Variants in NEK11 observed in about 807,000 individuals in gnomAD.
The protein encoded by NEK11 is serine/threonine-protein kinase Nek11.
Under a neutral mutation model 80.7 loss-of-function variants are expected in NEK11, and 72 were observed. The ratio of observed to expected loss-of-function variants is 0.89; its 90% CI spans 0.74 to 1.08. The LOEUF (loss-of-function observed/expected upper bound fraction) is 1.08, where lower values mean the gene tolerates loss of function less well. NEK11 is among the 50% of genes least tolerant of loss of function. The probability of loss-of-function intolerance (pLI) is 0.00; values close to 1 mark genes in which losing one functional copy is unlikely to be tolerated. For synonymous variants in NEK11, 251 were observed against 260.7 expected, an observed-to-expected ratio of 0.96 and a Z score of 0.36; for missense variants, 764 against 763.6, an observed-to-expected ratio of 1.00 and a Z score of -0.01.
At chr3:131,326,016 C>A (rs2096961647) in intron 17 of NEK11, 2 of 152,156 alleles carry the variant, frequency 1.3e-5, no homozygotes, top group African/African-American at 4.8e-5. Flanking sequence ...TCTTAGTAGA[C>A]AACCTTATGA....
At chr3:131,041,870 G>A (rs1224526158) in intron 3 of NEK11, among the ~76,000 whole-genome samples, 4 of 152,202 alleles carry the variant, frequency 2.6e-5, no homozygotes, top group Non-Finnish European at 4.4e-5. Context: ...AATGCAGAAG[G>A]TGGGTGATTT....
chr3:131,252,783 C>G (rs950178353), intron 16 of NEK11, among the ~76,000 whole-genome samples: 1 of 152,230 alleles, frequency 6.6e-6, no homozygotes, highest in South Asian at 2.1e-4. Context: ...TGCTCTGGGT[C>G]CAGACTGCAC....
chr3:131,042,743 C>T (rs930188088), intron 3 of NEK11, among the ~76,000 whole-genome samples: 1 of 152,196 alleles, frequency 6.6e-6, no homozygotes, highest in Non-Finnish European at 1.5e-5. Flanking sequence ...GATTTCCCAG[C>T]ACAGCACTCG....
chr3:131,321,746 C>T (rs949320445), intron 17 of NEK11, among the ~76,000 whole-genome samples: 4 of 152,108 alleles, frequency 2.6e-5, no homozygotes, highest in Admixed American at 1.3e-4. Context: ...ACATGCTCAA[C>T]ATCACTAAAT....
At chr3:131,263,066 C>T (rs972856969) in intron 16 of NEK11, among the ~76,000 whole-genome samples, 2 of 151,922 alleles carry the variant, frequency 1.3e-5, no homozygotes, top group Non-Finnish European at 2.9e-5. Flanking sequence ...ACTTTAAGTT[C>T]TAGGGTATAT....
intron 5 of NEK11, among the ~76,000 whole-genome samples, chr3:131,115,922 CTT>C (rs1365656054): frequency 1.0e-5 from 1 of 98,046 alleles, no homozygotes; most frequent in East Asian, 2.9e-4. Flanking sequence ...TTCTTTCTTT[CTT>C]TCTTTCTTTC....
At chr3:131,125,861 A>G (rs1258807946) in intron 5 of NEK11, among the ~76,000 whole-genome samples, 1 of 152,236 alleles carries the variant, frequency 6.6e-6, no homozygotes, top group Non-Finnish European at 1.5e-5. Context: ...TGGCTCAAGC[A>G]TTTGCTAAGG....
At chr3:131,097,513 T>G (rs1239411867) in intron 4 of NEK11, among the ~76,000 whole-genome samples, 3 of 152,268 alleles carry the variant, frequency 2.0e-5, no homozygotes, top group South Asian at 2.1e-4. Flanking sequence ...TCATGTGTCT[T>G]TTGGCTGCAT....
At chr3:131,154,323 C>G (rs983834517) in intron 9 of NEK11, among the ~76,000 whole-genome samples, 1 of 151,970 alleles carries the variant, frequency 6.6e-6, no homozygotes, top group South Asian at 2.1e-4. Flanking sequence ...TCTGCTGGGA[C>G]CAAGATGAGG....
chr3:131,325,862 A>C (rs1184248927), intron 17 of NEK11: 2 of 152,230 alleles, frequency 1.3e-5, no homozygotes. Flanking sequence ...GTGTGAGAAA[A>C]GTGTTTATGA....
chr3:131,309,452 T>C (rs557757860), intron 17 of NEK11, among the ~76,000 whole-genome samples: 1 of 152,254 alleles, frequency 6.6e-6, no homozygotes, highest in African/African-American at 2.4e-5. Context: ...CAGAAGCATA[T>C]ATGTCTTAAA....
intron 4 of NEK11, among the ~76,000 whole-genome samples, chr3:131,100,600 T>C (rs747215127): frequency 1.3e-5 from 2 of 152,146 alleles, no homozygotes; most frequent in Non-Finnish European, 2.9e-5. Context: ...GCCTACTTGA[T>C]TTTGGCATAT....
At chr3:131,219,317 C>T (rs1448544083) in intron 14 of NEK11, among the ~76,000 whole-genome samples, 2 of 151,994 alleles carry the variant, frequency 1.3e-5, no homozygotes, top group Admixed American at 1.3e-4. Flanking sequence ...ACTGCATGTT[C>T]TCACTCATAA....
In NEK11 at chr3:131,269,360, A is replaced by G. The variant is rs1165109941; in HGVS notation, c.1622-4118A>G. Among the ~76,000 whole-genome samples, 20 of 152,208 alleles carry G rather than the reference A, an allele frequency of 1.3e-4. No homozygotes were observed. In the East Asian group the frequency reaches 3.9e-3, roughly 29 times the overall value. On this transcript the variant is annotated intron_variant, in intron 16 of 17. Transcript: ENST00000383366. ...TAGCTCAGTGTCTGCTCAAATGGCCACCCAGTTTTGTGCTTGAAACCCAGG... is the reference window on the plus strand; with the variant it reads ...TAGCTCAGTGTCTGCTCAAATGGCCGCCCAGTTTTGTGCTTGAAACCCAGG...
rs780953084 is a variant in NEK11 at position 131,162,530 on chromosome 3, A to G, written c.1082+3A>G. 1 of 1,613,936 alleles carries G rather than the reference A, an allele frequency of 6.2e-7. No individual in the cohort carries two copies. Among genetic ancestry groups the G allele is most frequent in the South Asian group, 1.1e-5 (1 of 91,062 alleles). On this transcript the variant is annotated splice_donor_region_variant and intron_variant, in intron 11 of 17. Transcript: ENST00000383366. ...GATGAGAAAGCCAGGAAGCTGAAGT[A>G]AGCTGCTTTTCCTTTAGGCACTCAT... is the stretch of plus-strand genomic sequence containing the variant.
chr3:131,120,278 C>A (rs142959801), intron 5 of NEK11, among the ~76,000 whole-genome samples: 159 of 152,300 alleles, frequency 1.0e-3, no homozygotes, highest in African/African-American at 3.8e-3. Flanking sequence ...GTTGAAAATT[C>A]TTTTCTTTAA....
At chr3:131,162,344 T>G in intron 10 of NEK11, 64 bp from the exon 11 acceptor site, 3 of 1,571,280 alleles carry the variant, frequency 1.9e-6, no homozygotes, top group Non-Finnish European at 2.6e-6. Flanking sequence ...TTATAAAATA[T>G]TTGTTTAATT....
chr3:131,037,464 A>T (rs774191886), intron 3 of NEK11, among the ~76,000 whole-genome samples: 1 of 152,098 alleles, frequency 6.6e-6, no homozygotes, highest in Non-Finnish European at 1.5e-5. Context: ...TTGTATATTT[A>T]GTAGAGACAA....
At chr3:131,067,605 C>G (rs2072277739) in intron 3 of NEK11, among the ~76,000 whole-genome samples, 1 of 152,140 alleles carries the variant, frequency 6.6e-6, no homozygotes, top group South Asian at 2.1e-4. Context: ...AAATTTGAAG[C>G]TCAATCATAG....
Sources: gnomAD v4.1 joint callset for allele counts (sites outside exome capture counted in the v4.1 genomes callset) on GRCh38, gnomAD v4.1.1 for gene constraint, MANE v1.5 for transcripts, NCBI Gene and HGNC (gene_info 2026-07-23, HGNC 2026-07-21) for gene names.